CDKL1: variants seen among roughly 807,000 people sequenced by gnomAD.
CDKL1 encodes the protein cyclin-dependent kinase-like 1.
A neutral mutation model predicts 42.0 loss-of-function variants in CDKL1; 41 were observed. The observed-to-expected ratio is 0.98, with a 90% CI of 0.76 to 1.27. The LOEUF is 1.27. Among genes scored for constraint, CDKL1 ranks in the 50% most tolerant of loss-of-function variants. The probability of loss-of-function intolerance (pLI) is 0.00; values close to 1 mark genes in which losing one functional copy is unlikely to be tolerated. For synonymous variants in CDKL1, 153 were observed against 158.6 expected, an observed-to-expected ratio of 0.96 and a Z score of 0.26; for missense variants, 394 against 428.4, an observed-to-expected ratio of 0.92 and a Z score of 0.71.
intron 2 of CDKL1, among the ~76,000 whole-genome samples, chr14:50,372,306 CAG>C (rs2034612381): frequency 6.6e-6 from 1 of 151,856 alleles, no homozygotes; most frequent in South Asian, 2.1e-4. Flanking sequence ...TTAGTAGAGA[CAG>C]AGTTTTGCCA....
intron 5 of CDKL1, 81 bp downstream of exon 5, chr14:50,342,051 C>G: frequency 9.0e-7 from 1 of 1,113,850 alleles, no homozygotes; most frequent in Non-Finnish European, 1.4e-6. Flanking sequence ...ATCTTGTATA[C>G]TTCTAGAGCA....
At chr14:50,330,253 C>A in intron 9 of CDKL1, 72 bp from the exon 10 acceptor site, 2 of 1,532,006 alleles carry the variant, frequency 1.3e-6, no homozygotes, top group South Asian at 2.5e-5. Flanking sequence ...GAATATATCA[C>A]AAAAGAGGTA....
Position 50,359,068 on chromosome 14 carries a change from C to A in CDKL1, c.250G>T (p.Asp84Tyr). 6.2e-7 allele frequency: 1 copy of A among 1,612,980 alleles called. No individual in the cohort carries two copies. The highest frequency in any genetic ancestry group is 1.1e-5 in the South Asian group (1 of 91,042). The change falls in exon 3 of 10, where the codon GAC becomes TAC. Residue 84 changes from aspartate to tyrosine, a missense_variant. By Grantham distance (160) the Asp-to-Tyr change is radical (BLOSUM62 -3). Coordinates refer to ENST00000395834, the MANE Select transcript of CDKL1 (RefSeq NM_004196.7). ...TCCAACTCATGGAGAACTGTGTGGT[C>A]ACAATATTCAAACACCAGGTGAAGC... is the stretch of plus-strand genomic sequence containing the variant. ...RRLHLVFEYC[D>Y]HTVLHELDRY...
At chr14:50,344,826 AT>A (rs939289366) in intron 4 of CDKL1, among the ~76,000 whole-genome samples, 159 bp downstream of exon 4, 1 of 152,150 alleles carries the variant, frequency 6.6e-6, no homozygotes, top group African/African-American at 2.4e-5. Context: ...GCAAGAAGGA[AT>A]AGCTAGGTTG....
intron 8 of CDKL1, 153 bp downstream of exon 8, chr14:50,334,412 G>A: frequency 1.6e-6 from 1 of 631,548 alleles, no homozygotes; most frequent in Admixed American, 2.6e-5. Flanking sequence ...GCCTCCCAAA[G>A]TGCTAGGATT....
intron 2 of CDKL1, chr14:50,380,122 G>C (rs768150443): frequency 1.9e-6 from 1 of 520,862 alleles, no homozygotes; most frequent in East Asian, 5.5e-5. Context: ...TTGGTTCTAT[G>C]ACCTGTGAAG....
intron 7 of CDKL1, chr14:50,335,742 G>A (rs2033235008): frequency 1.0e-6 from 1 of 985,170 alleles, no homozygotes; most frequent in Non-Finnish European, 1.2e-6. Context: ...GCCGACTGGA[G>A]TGACTGGCCA....
At chr14:50,347,707 CA>C (rs2033773979) in intron 3 of CDKL1, among the ~76,000 whole-genome samples, 1 of 152,286 alleles carries the variant, frequency 6.6e-6, no homozygotes, top group South Asian at 2.1e-4. Context: ...GAAGGAAGGT[CA>C]GGCTGGAAAT....
chr14:50,350,181 G>T (rs1240003215), intron 3 of CDKL1, among the ~76,000 whole-genome samples: 1 of 152,182 alleles, frequency 6.6e-6, no homozygotes, highest in African/African-American at 2.4e-5. Flanking sequence ...AAAACACTGG[G>T]ATTATAGACA....
At chr14:50,348,839 T>A (rs74049657) in intron 3 of CDKL1, among the ~76,000 whole-genome samples, 2,541 of 152,242 alleles carry the variant, frequency 0.017, 86 homozygotes, top group African/African-American at 0.058. Flanking sequence ...AGAACATTTT[T>A]AAATACCATT....
intron 2 of CDKL1, among the ~76,000 whole-genome samples, chr14:50,367,385 C>T (rs756181293): frequency 1.3e-5 from 2 of 152,190 alleles, no homozygotes; most frequent in Non-Finnish European, 2.9e-5. Flanking sequence ...TCTATTGACT[C>T]CACTGACCTC....
At chr14:50,377,752 T>C (rs756060400) in intron 2 of CDKL1, 3 of 1,227,818 alleles carry the variant, frequency 2.4e-6, no homozygotes, top group East Asian at 5.3e-5. Flanking sequence ...ATGAGTGGTA[T>C]GCGGCAATGG....
At chr14:50,387,688 T>C (rs1222447012) in intron 2 of CDKL1, among the ~76,000 whole-genome samples, 1 of 152,178 alleles carries the variant, frequency 6.6e-6, no homozygotes, top group East Asian at 1.9e-4. Context: ...GTTAACAGTG[T>C]GATTCCACAG....
intron 3 of CDKL1, among the ~76,000 whole-genome samples, chr14:50,351,034 C>G (rs1162688603): frequency 1.3e-5 from 2 of 152,098 alleles, no homozygotes; most frequent in Non-Finnish European, 2.9e-5. Context: ...GTTTCACCCC[C>G]CAGGAACATA....
chr14:50,332,679 A>G (rs940566696), intron 8 of CDKL1: 3 of 1,533,542 alleles, frequency 2.0e-6, no homozygotes, highest in Non-Finnish European at 1.7e-6. Context: ...TCTTGAAGCA[A>G]TTGGTACTCT....
At chr14:50,396,352 A>C in intron 1 of CDKL1, 23 bp from the exon 2 acceptor site, 7 of 987,084 alleles carry the variant, frequency 7.1e-6, no homozygotes, top group Non-Finnish European at 8.4e-6. Flanking sequence ...AGCACATGTT[A>C]AGGAATGAAG....
intron 3 of CDKL1, among the ~76,000 whole-genome samples, chr14:50,355,143 G>A (rs180718686): frequency 2.6e-5 from 4 of 151,598 alleles, no homozygotes; most frequent in Non-Finnish European, 2.9e-5. Flanking sequence ...TATTCTTAAT[G>A]GGTCCACTGT....
intron 3 of CDKL1, chr14:50,358,250 G>A (rs887574657): frequency 3.2e-5 from 26 of 815,450 alleles, no homozygotes; most frequent in Non-Finnish European, 4.1e-5. Flanking sequence ...TGCTTCAGTT[G>A]GGTTTTTGTC....
At chr14:50,337,996 C>A (rs906807169) in intron 7 of CDKL1, among the ~76,000 whole-genome samples, 2 of 151,874 alleles carry the variant, frequency 1.3e-5, no homozygotes, top group African/African-American at 4.8e-5. Context: ...TAAGGATGTA[C>A]CATACATAAT....
Sources: gnomAD v4.1 joint callset for allele counts (sites outside exome capture counted in the v4.1 genomes callset) on GRCh38, gnomAD v4.1.1 for gene constraint, MANE v1.5 for transcripts, NCBI Gene and HGNC (gene_info 2026-07-23, HGNC 2026-07-21) for gene names.